ODF2: variants seen among roughly 807,000 people sequenced by gnomAD.
The protein encoded by ODF2 is outer dense fiber of sperm tails 2, also known as outer dense fiber protein 2.
ODF2 carries 47 observed loss-of-function variants against 110.2 expected under a neutral mutation model. The observed-to-expected ratio is 0.43, with a 90% CI of 0.34 to 0.54. The LOEUF (loss-of-function observed/expected upper bound fraction) is 0.54, where lower values mean the gene tolerates loss of function less well. Ranked by LOEUF, ODF2 falls within the 20% of genes least tolerant of loss-of-function variation. ODF2 has a pLI of 0.03. For missense variants in ODF2, 812 were observed against 1,054.5 expected (o/e 0.77, Z 3.19); for synonymous variants, 352 against 397.7 (o/e 0.89, Z 1.37).
chr9:128,465,633 T>C (rs982660634), intron 4 of ODF2, among the ~76,000 whole-genome samples: 2 of 151,118 alleles, frequency 1.3e-5, no homozygotes, highest in African/African-American at 4.9e-5. Flanking sequence ...CCCAGCCATT[T>C]GGGAGGCTGA....
At chr9:128,465,593 T>G (rs925416535) in intron 4 of ODF2, among the ~76,000 whole-genome samples, 27 of 151,782 alleles carry the variant, frequency 1.8e-4, no homozygotes, top group African/African-American at 6.5e-4. Flanking sequence ...ATACAAAAAT[T>G]AGCTGGGCAT....
exon 3 of ODF2, chr9:128,459,568 T>C (rs1337261084): frequency 1.9e-6 from 3 of 1,613,570 alleles, no homozygotes; most frequent in Non-Finnish European, 2.5e-6. Context: ...TGGGTGCAGG[T>C]TTCCATCGTG....
chr9:128,476,887 C>T (rs998339844), intron 8 of ODF2, among the ~76,000 whole-genome samples: 6 of 151,026 alleles, frequency 4.0e-5, no homozygotes, highest in Non-Finnish European at 8.9e-5. Flanking sequence ...AATCTGCCCA[C>T]CTCAGCCTCC....
intron 17 of ODF2, among the ~76,000 whole-genome samples, chr9:128,495,530 G>A (rs1471323525): frequency 6.6e-6 from 1 of 152,238 alleles, no homozygotes; most frequent in East Asian, 1.9e-4. Flanking sequence ...GGGACTTTGA[G>A]CCTTGATAGC....
chr9:128,471,552 G>GT, intron 6 of ODF2, 84 bp downstream of exon 6: 1 of 1,398,482 alleles, frequency 7.2e-7, no homozygotes, highest in South Asian at 1.3e-5. Context: ...GGAAAGCAAC[G>GT]TAGGAGGTGG....
rs1318389652 is a variant in ODF2 at position 128,471,529 on chromosome 9, C to T, written c.581+61C>T. 3 of 1,558,296 alleles carry T rather than the reference C, an allele frequency of 1.9e-6. No homozygotes were observed. In the African/African-American group the frequency reaches 4.2e-5, roughly 22 times the overall value. ...TCCTCCCTACCAGGCTGCCTTGAGC[C>T]CTGGGCAATAATGGAAAGCAACGTA... On this transcript the variant is annotated intron_variant, in intron 6 of 20. Coordinates refer to ENST00000604420, the Ensembl canonical transcript of ODF2.
chr9:128,497,049 G>A (rs1024664386), intron 18 of ODF2, among the ~76,000 whole-genome samples: 17 of 152,052 alleles, frequency 1.1e-4, no homozygotes, highest in African/African-American at 4.1e-4. Flanking sequence ...TTTCATGGTG[G>A]TGGTGTGAGT....
upstream of ODF2, among the ~76,000 whole-genome samples, chr9:128,455,731 C>CT (rs1272272955): frequency 6.6e-6 from 1 of 152,042 alleles, no homozygotes; most frequent in Non-Finnish European, 1.5e-5. Context: ...TAATAGTGGA[C>CT]TAGGGGCAGG....
Position 128,494,922 on chromosome 9 carries a change from C to A in ODF2, c.1911+254C>A. ...GGGCCCTCCTGCTGTTGCCCCCACC[C>A]AAGACTGCTGCCTCTGCCTGTGTGC... On this transcript the variant is annotated intron_variant, in intron 17 of 20. Coordinates refer to ENST00000604420, the Ensembl canonical transcript of ODF2. The surrounding 1 kb of genome is among the most constrained non-coding windows in gnomAD (Gnocchi z 4.6). The A allele has an allele frequency of 8.3e-7, 1 of 1,204,318 alleles. No individual in the cohort carries two copies. The highest frequency in any genetic ancestry group is 1.1e-6 in the Non-Finnish European group (1 of 888,548). 74.6% of individuals were successfully genotyped at this position (1,204,318 alleles called of 1,614,324 possible). A position where few individuals can be genotyped will look rare whatever the true frequency, so the allele number is the denominator to read the frequency against.
At chr9:128,456,733 C>T in intron 1 of ODF2, 1 of 983,000 alleles carries the variant, frequency 1.0e-6, no homozygotes, top group South Asian at 4.7e-5. Flanking sequence ...GGCACCGTCT[C>T]CGGCTTGCCA....
chr9:128,498,356 G>A (rs1313760504), intron 18 of ODF2, 57 bp from the exon 19 acceptor site: 1 of 1,451,828 alleles, frequency 6.9e-7, no homozygotes, highest in East Asian at 2.5e-5. Flanking sequence ...CCCCCTGGCG[G>A]GGTGGAACAT....
intron 8 of ODF2, among the ~76,000 whole-genome samples, chr9:128,475,326 G>T (rs1238926537): frequency 7.3e-6 from 1 of 137,640 alleles, no homozygotes; most frequent in East Asian, 2.3e-4. Flanking sequence ...AATACCAAGG[G>T]ATGACTGTAG....
At chr9:128,467,154 C>G (rs1588772042) in intron 4 of ODF2, among the ~76,000 whole-genome samples, 1 of 146,202 alleles carries the variant, frequency 6.8e-6, no homozygotes, top group African/African-American at 2.5e-5. Context: ...TTACACAAAC[C>G]GAGATTGGTA....
intron 18 of ODF2, among the ~76,000 whole-genome samples, chr9:128,496,567 T>G (rs1198759455): frequency 1.3e-5 from 2 of 152,246 alleles, no homozygotes; most frequent in African/African-American, 4.8e-5. Context: ...TTGGAGGCAG[T>G]CAGAGGTGAA....
chr9:128,499,070 A>T, exon 20 of ODF2: 1 of 1,614,166 alleles, frequency 6.2e-7, no homozygotes. Context: ...GGACCTTGAG[A>T]CCCAGCTGAG....
chr9:128,460,488 T>C (rs2131477157), intron 3 of ODF2, 62 bp from the exon 3 acceptor site: 3 of 1,591,506 alleles, frequency 1.9e-6, no homozygotes, highest in Non-Finnish European at 2.6e-6. Flanking sequence ...AGCTCTGTTT[T>C]TATGCCCAGT....
intron 14 of ODF2, 38 bp downstream of exon 14, chr9:128,488,063 G>A: frequency 6.2e-7 from 1 of 1,611,364 alleles, no homozygotes; most frequent in Non-Finnish European, 8.5e-7. Flanking sequence ...AGCTGGATGG[G>A]GCCCAGCGAG....
At position 128,469,531 on chromosome 9, in the gene ODF2, C is replaced by G. The variant is rs537209261; in HGVS notation, c.420+178C>G. 4.4e-5 allele frequency: 28 copies of G among 632,128 alleles called. No individual in the cohort carries two copies. The East Asian group carries it at 7.3e-4, about 16-fold the overall frequency. 39.2% of individuals were successfully genotyped at this position (632,128 alleles called of 1,614,324 possible). The stretch of plus-strand genomic sequence containing the variant: ...TAGCTGGGGCAGCATGGGATCCCAT[C>G]CCACCAACAAGGGCCCTCTCTATTG... On this transcript the variant is annotated intron_variant, in intron 5 of 20. Coordinates refer to ENST00000604420, the Ensembl canonical transcript of ODF2.
At chr9:128,500,381 G>A (rs1181241424) in exon 21 of ODF2, 1 of 859,440 alleles carries the variant, frequency 1.2e-6, no homozygotes, top group African/African-American at 1.7e-5. Context: ...CTTGTCCTTA[G>A]CTACTAGCTC....
Sources: gnomAD v4.1 joint callset for allele counts (sites outside exome capture counted in the v4.1 genomes callset) on GRCh38, gnomAD v4.1.1 for gene constraint, Gnocchi (gnomAD v3.1) non-coding constraint, MANE v1.5 for transcripts, NCBI Gene and HGNC (gene_info 2026-07-23, HGNC 2026-07-21) for gene names.